RBFOX1: variants seen among roughly 807,000 people sequenced by gnomAD.
RBFOX1 encodes the protein RNA binding fox-1 homolog 1, also known as RNA binding protein fox-1 homolog 1.
RBFOX1 carries 8 observed loss-of-function variants against 57.7 expected under a neutral mutation model. The ratio of observed to expected loss-of-function variants is 0.14; its 90% CI spans 0.08 to 0.25. The LOEUF is 0.25. RBFOX1 is among the 10% of genes least tolerant of loss of function. The pLI, the probability that RBFOX1 is intolerant of heterozygous loss-of-function variation, is 1.00. For missense variants in RBFOX1, 611 were observed against 548.5 expected (o/e 1.11, Z -1.14); for synonymous variants, 326 against 222.4 (o/e 1.47, Z -4.15).
At chr16:7,322,851 G>GTT (rs1445640131) in intron 4 of RBFOX1, among the ~76,000 whole-genome samples, 6 of 152,070 alleles carry the variant, frequency 3.9e-5, no homozygotes, top group Non-Finnish European at 7.4e-5. Flanking sequence ...TTCCCCTTCT[G>GTT]TTTTCTCCTC....
chr16:6,807,394 G>T (rs919788905), intron 3 of RBFOX1, among the ~76,000 whole-genome samples: 1 of 152,080 alleles, frequency 6.6e-6, no homozygotes, highest in Non-Finnish European at 1.5e-5. Context: ...CTGCATTTAG[G>T]GTTGGTTGAC....
At chr16:5,338,498 G>A (rs368201026) in intron 1 of RBFOX1, among the ~76,000 whole-genome samples, 1 of 152,192 alleles carries the variant, frequency 6.6e-6, no homozygotes, top group Non-Finnish European at 1.5e-5. Flanking sequence ...GAAGACCAGA[G>A]ATCCTGAAGG....
At chr16:7,701,636 A>C (rs1004410982) in intron 14 of RBFOX1, among the ~76,000 whole-genome samples, 5 of 151,928 alleles carry the variant, frequency 3.3e-5, no homozygotes, top group Non-Finnish European at 5.9e-5. Flanking sequence ...AGTTCCTCCA[A>C]CTTCAGTATC....
At chr16:6,845,131 G>A (rs1434326682) in intron 3 of RBFOX1, among the ~76,000 whole-genome samples, 2 of 129,440 alleles carry the variant, frequency 1.5e-5, no homozygotes, top group African/African-American at 5.6e-5. Context: ...TCTGTGGGTT[G>A]TCTGTTCACT....
rs192080851 is a variant in RBFOX1, at chr16:7,239,372, G to A, written c.27+187274G>A. On this transcript the variant is annotated intron_variant, in intron 4 of 15. Coordinates refer to ENST00000550418, the MANE Select transcript of RBFOX1 (RefSeq NM_018723.4). ...AAATTAGCCAGGCGTGGTGGTGCAT[G>A]CCTGTAATCCCAGTTACTTGGGAGT... Among the ~76,000 whole-genome samples the A allele has an allele frequency of 8.5e-5, 13 of 152,272 alleles. No individual in the cohort carries two copies. The East Asian group carries it at 2.3e-3, about 27-fold the overall frequency.
chr16:7,263,723 C>A (rs1350113051), intron 4 of RBFOX1, among the ~76,000 whole-genome samples: 1 of 151,816 alleles, frequency 6.6e-6, no homozygotes, highest in Non-Finnish European at 1.5e-5. Flanking sequence ...TGGTGAAACC[C>A]CATCTCTACT....
At chr16:7,349,882 C>T (rs200210822) in intron 4 of RBFOX1, among the ~76,000 whole-genome samples, 1 of 152,164 alleles carries the variant, frequency 6.6e-6, no homozygotes, top group South Asian at 2.1e-4. Context: ...CACGGTGGCT[C>T]ATGCTTGTAA....
intron 4 of RBFOX1, among the ~76,000 whole-genome samples, chr16:7,189,951 G>C (rs2084965303): frequency 6.6e-6 from 1 of 152,154 alleles, no homozygotes; most frequent in South Asian, 2.1e-4. Context: ...ACATCAATTA[G>C]TGATGCAAAT....
intron 3 of RBFOX1, among the ~76,000 whole-genome samples, chr16:6,700,135 C>A (rs1179800950): frequency 6.6e-6 from 1 of 152,004 alleles, no homozygotes; most frequent in Non-Finnish European, 1.5e-5. Context: ...TAGAGGCATT[C>A]CCCTAAGGTG....
chr16:6,555,744 C>A (rs2097089264), intron 2 of RBFOX1, among the ~76,000 whole-genome samples: 1 of 152,030 alleles, frequency 6.6e-6, no homozygotes, highest in African/African-American at 2.4e-5. Flanking sequence ...GATATCATTC[C>A]ATCTATTGTG....
At chr16:5,462,006 C>T (rs1020858492) in intron 1 of RBFOX1, among the ~76,000 whole-genome samples, 8 of 152,088 alleles carry the variant, frequency 5.3e-5, no homozygotes, top group Admixed American at 5.2e-4. Context: ...AAAGGTGGCA[C>T]CAATTTCCAC....
chr16:6,640,716 C>T (rs548254163), intron 2 of RBFOX1, among the ~76,000 whole-genome samples: 15 of 152,214 alleles, frequency 9.9e-5, no homozygotes, highest in Middle Eastern at 3.4e-3. Context: ...ATACTTGTGA[C>T]CCTCTAGAAA....
chr16:5,793,249 C>T (rs1177512276), intron 3 of RBFOX1, among the ~76,000 whole-genome samples: 1 of 152,232 alleles, frequency 6.6e-6, no homozygotes, highest in East Asian at 1.9e-4. Flanking sequence ...TCCTTTTGCC[C>T]ACCGTGGGCA....
intron 4 of RBFOX1, among the ~76,000 whole-genome samples, chr16:7,191,901 G>C (rs897210915): frequency 7.2e-5 from 11 of 152,168 alleles, no homozygotes; most frequent in Non-Finnish European, 8.8e-5. Flanking sequence ...GGAATGAAAT[G>C]CAAATTCTAT....
intron 3 of RBFOX1, among the ~76,000 whole-genome samples, chr16:5,699,951 G>T (rs748579552): frequency 2.6e-5 from 4 of 152,144 alleles, no homozygotes; most frequent in Non-Finnish European, 5.9e-5. Context: ...CTCCTGCTCA[G>T]CCTCCTGAGT....
chr16:5,321,356 G>A (rs943619457), intron 1 of RBFOX1, among the ~76,000 whole-genome samples: 3 of 148,964 alleles, frequency 2.0e-5, no homozygotes, highest in African/African-American at 7.4e-5. Flanking sequence ...GTCTCGCTTT[G>A]TCACCCAGGC....
chr16:6,732,896 T>A (rs2069038874), intron 3 of RBFOX1, among the ~76,000 whole-genome samples: 1 of 152,218 alleles, frequency 6.6e-6, no homozygotes, highest in Non-Finnish European at 1.5e-5. Context: ...TTGTTGATCC[T>A]TGTGTTATAT....
At chr16:7,370,507 T>G (rs1221844419) in intron 4 of RBFOX1, among the ~76,000 whole-genome samples, 1 of 152,178 alleles carries the variant, frequency 6.6e-6, no homozygotes, top group African/African-American at 2.4e-5. Context: ...TCCCTCACTT[T>G]CCCTTCTTCC....
chr16:5,822,834 C>A (rs1262852798), intron 3 of RBFOX1, among the ~76,000 whole-genome samples: 2 of 152,162 alleles, frequency 1.3e-5, no homozygotes, highest in African/African-American at 4.8e-5. Flanking sequence ...TCCAGCTCTG[C>A]CATGCACATC....
Sources: gnomAD v4.1 joint callset for allele counts (sites outside exome capture counted in the v4.1 genomes callset) on GRCh38, gnomAD v4.1.1 for gene constraint, MANE v1.5 for transcripts, NCBI Gene and HGNC (gene_info 2026-07-23, HGNC 2026-07-21) for gene names.